RRAGC: variants seen among roughly 807,000 people sequenced by gnomAD.
The protein encoded by RRAGC is Ras related GTP binding C, also known as ras-related GTP-binding protein C.
A neutral mutation model predicts 37.1 loss-of-function variants in RRAGC; 8 were observed. That is an observed-to-expected ratio of 0.22 (90% CI 0.13 to 0.39). The LOEUF (loss-of-function observed/expected upper bound fraction) is 0.39, where lower values mean the gene tolerates loss of function less well. RRAGC is among the 10% of genes least tolerant of loss of function. The probability of loss-of-function intolerance (pLI) is 1.00; values close to 1 mark genes in which losing one functional copy is unlikely to be tolerated. For synonymous variants in RRAGC, 190 were observed against 181.1 expected (o/e 1.05, Z -0.39); for missense variants, 342 against 497.6 (o/e 0.69, Z 2.98).
chr1:38,856,868 T>C lies in RRAGC; in HGVS notation c.441+11A>G, dbSNP rs753457643. 3.3e-5 allele frequency: 53 copies of C among 1,612,580 alleles called. No homozygotes were observed. The highest frequency in any genetic ancestry group is 2.0e-5 in the Non-Finnish European group (23 of 1,178,742). Reference sequence around the variant, plus strand: ...CCACCAGGAAAGAGGAGTAAACACATTACTGACTACCTGTGCGTCAATGAC... The same window carrying C: ...CCACCAGGAAAGAGGAGTAAACACACTACTGACTACCTGTGCGTCAATGAC... On this transcript the variant is annotated intron_variant, in intron 2 of 6. Coordinates refer to ENST00000373001, the MANE Select transcript of RRAGC (RefSeq NM_022157.4).
chr1:38,857,208 T>G, intron 1 of RRAGC, 126 bp from the exon 2 acceptor site: 1 of 641,424 alleles, frequency 1.6e-6, no homozygotes, highest in Non-Finnish European at 2.7e-6. Flanking sequence ...AAGTAGAAAC[T>G]GAATGGTGAA....
intron 5 of RRAGC, chr1:38,848,030 T>C (rs1285858989): frequency 2.4e-5 from 2 of 82,594 alleles, no homozygotes; most frequent in African/African-American, 7.9e-5. Flanking sequence ...AGAGACCCTA[T>C]CTCAAAAAAA....
intron 3 of RRAGC, among the ~76,000 whole-genome samples, chr1:38,854,888 T>A (rs987598505): frequency 1.3e-5 from 2 of 152,186 alleles, no homozygotes; most frequent in African/African-American, 4.8e-5. Flanking sequence ...TTCTCCCTCT[T>A]TAAGCTACTT....
intron 1 of RRAGC, 108 bp downstream of exon 1, chr1:38,859,302 G>A: frequency 9.7e-7 from 1 of 1,031,482 alleles, no homozygotes; most frequent in South Asian, 1.6e-5. Context: ...AGAAAGTGCG[G>A]AGGGACGGAG....
chr1:38,843,380 T>C (rs894419568), intron 6 of RRAGC, among the ~76,000 whole-genome samples: 7 of 152,020 alleles, frequency 4.6e-5, no homozygotes, highest in South Asian at 2.1e-4. Context: ...AAGGTGAAGA[T>C]ACATGTTTTG....
chr1:38,852,673 C>G, intron 3 of RRAGC, 185 bp from the exon 4 acceptor site: 1 of 416,244 alleles, frequency 2.4e-6, no homozygotes, highest in Non-Finnish European at 4.3e-6. Flanking sequence ...GGCTTCATCT[C>G]TTTACTGCAT....
chr1:38,845,185 T>C (rs115839438), intron 6 of RRAGC, among the ~76,000 whole-genome samples: 1,984 of 152,288 alleles, frequency 0.013, 33 homozygotes, highest in African/African-American at 0.044. Context: ...CGTATGCTTA[T>C]TGCAGCACTC....
At chr1:38,843,757 G>A (rs1641994645) in intron 6 of RRAGC, among the ~76,000 whole-genome samples, 1 of 151,440 alleles carries the variant, frequency 6.6e-6, no homozygotes, top group Non-Finnish European at 1.5e-5. Context: ...GGAAGGACTT[G>A]TTGCAGTAAA....
chr1:38,848,744 G>A (rs1457655382), intron 5 of RRAGC, among the ~76,000 whole-genome samples: 1 of 151,878 alleles, frequency 6.6e-6, no homozygotes, highest in African/African-American at 2.4e-5. Context: ...CAGCACTTTG[G>A]GAGACTAAGA....
In RRAGC at chr1:38,859,704, G is replaced by A. The variant is rs12753443; in HGVS notation, c.-58C>T. The A allele has an allele frequency of 6.7e-6, 9 of 1,338,094 alleles. No homozygotes were observed. The highest frequency in any genetic ancestry group is 8.7e-6 in the Non-Finnish European group (9 of 1,038,426). The allele number at this position is 1,338,094 out of a possible 1,614,324, so 82.9% of individuals were successfully genotyped here. A position where few individuals can be genotyped will look rare whatever the true frequency, so the allele number is the denominator to read the frequency against. On this transcript the variant is annotated 5_prime_UTR_variant, in exon 1 of 7. Coordinates refer to ENST00000373001, the MANE Select transcript of RRAGC (RefSeq NM_022157.4). ...AGGCCAGGCCAGGCCGAGCCAGGCC[G>A]CCGCCTCCCCAGTCCGCCTCCGCCG...
At chr1:38,853,987 AT>A (rs1642134633) in intron 3 of RRAGC, among the ~76,000 whole-genome samples, 1 of 151,954 alleles carries the variant, frequency 6.6e-6, no homozygotes, top group Non-Finnish European at 1.5e-5. Context: ...GTCACAGGGC[AT>A]TTTAGTAAAC....
At chr1:38,853,682 G>A (rs1642129804) in intron 3 of RRAGC, among the ~76,000 whole-genome samples, 1 of 152,014 alleles carries the variant, frequency 6.6e-6, no homozygotes, top group Admixed American at 6.6e-5. Flanking sequence ...GGGAGGCAGA[G>A]GTTGCGGTGA....
At chr1:38,844,168 CG>C (rs1256711753) in intron 6 of RRAGC, among the ~76,000 whole-genome samples, 1 of 151,976 alleles carries the variant, frequency 6.6e-6, no homozygotes, top group Admixed American at 6.6e-5. Context: ...GAGAAACTCG[CG>C]TAACTAGTGA....
rs148046329 is a variant in RRAGC at position 38,851,028 on chromosome 1, T to C, written c.899+587A>G. Among the ~76,000 whole-genome samples the C allele has an allele frequency of 2.6e-5, 4 of 152,342 alleles. No individual in the cohort carries two copies. The East Asian group carries it at 7.7e-4, about 29-fold the overall frequency. On this transcript the variant is annotated intron_variant, in intron 5 of 6. Coordinates refer to ENST00000373001, the MANE Select transcript of RRAGC (RefSeq NM_022157.4). ...AAGTTTTCACCAGTCCTCTGGCCTA[T>C]TCTACAAAATCACTTGCTGGCTGGC...
intron 6 of RRAGC, among the ~76,000 whole-genome samples, chr1:38,843,061 G>C (rs1179998117): frequency 6.6e-6 from 1 of 152,176 alleles, no homozygotes; most frequent in East Asian, 1.9e-4. Flanking sequence ...CCAGGCAGTT[G>C]GCTCTCATCT....
chr1:38,850,598 G>C (rs1051382582), intron 5 of RRAGC, among the ~76,000 whole-genome samples: 1 of 151,710 alleles, frequency 6.6e-6, no homozygotes, highest in Non-Finnish European at 1.5e-5. Context: ...ATATAGAATA[G>C]GTAAGACAAA....
rs1285879560 is a variant in RRAGC at position 38,838,521 on chromosome 1, A to G, written c.*1032T>C. The G allele has an allele frequency of 6.6e-6, 1 of 152,246 alleles. No individual in the cohort carries two copies. The highest frequency in any genetic ancestry group is 2.4e-5 in the African/African-American group (1 of 41,466). 9.4% of individuals were successfully genotyped at this position (152,246 alleles called of 1,614,324 possible). ...CCATCAACAAAAGCAACAATTATGAATTCATATCCTAGGCAAAGAAAGTAC... is the reference window on the plus strand; with the variant it reads ...CCATCAACAAAAGCAACAATTATGAGTTCATATCCTAGGCAAAGAAAGTAC... On this transcript the variant is annotated 3_prime_UTR_variant, in exon 7 of 7. Transcript: ENST00000373001.
chr1:38,856,675 C>T, intron 2 of RRAGC: 1 of 494,478 alleles, frequency 2.0e-6, no homozygotes, highest in Non-Finnish European at 3.6e-6. Context: ...GGATGTAAAC[C>T]ATATCTCCTA....
intron 5 of RRAGC, among the ~76,000 whole-genome samples, chr1:38,850,618 C>T (rs1642088680): frequency 6.6e-6 from 1 of 151,976 alleles, no homozygotes; most frequent in Non-Finnish European, 1.5e-5. Flanking sequence ...ATGTACTCTC[C>T]TACTCAGAGG....
Sources: gnomAD v4.1 joint callset for allele counts (sites outside exome capture counted in the v4.1 genomes callset) on GRCh38, gnomAD v4.1.1 for gene constraint, MANE v1.5 for transcripts, NCBI Gene and HGNC (gene_info 2026-07-23, HGNC 2026-07-21) for gene names.